The following CWC27 variants were observed in gnomAD, a reference collection of about 807,000 sequenced individuals.
CWC27 encodes the protein CWC27 spliceosome associated cyclophilin.
CWC27 carries 47 observed loss-of-function variants against 63.6 expected under a neutral mutation model. The observed-to-expected ratio is 0.74, with a 90% CI of 0.58 to 0.94. CWC27 has a LOEUF of 0.94. CWC27 is among the 40% of genes least tolerant of loss of function. CWC27 has a pLI of 0.00. For synonymous variants in CWC27, 175 were observed against 179.8 expected (o/e 0.97, Z 0.22); for missense variants, 495 against 554.3 (o/e 0.89, Z 1.07).
At chr5:64,802,472 T>C (rs760579126) in intron 9 of CWC27, among the ~76,000 whole-genome samples, 1 of 152,154 alleles carries the variant, frequency 6.6e-6, no homozygotes, top group Non-Finnish European at 1.5e-5. Flanking sequence ...AAGGATGCTA[T>C]GATCAATTTT....
chr5:64,774,850 G>C (rs1743387211), intron 2 of CWC27, 63 bp downstream of exon 2: 1 of 935,154 alleles, frequency 1.1e-6, no homozygotes, highest in Non-Finnish European at 1.7e-6. Context: ...TGCAGTGTCT[G>C]CTTCACAACA....
chr5:64,800,442 C>G, intron 8 of CWC27, 115 bp downstream of exon 8: 1 of 593,688 alleles, frequency 1.7e-6, no homozygotes, highest in Non-Finnish European at 2.9e-6. Flanking sequence ...TTAAGCCAGC[C>G]AAAAAAATAA....
chr5:64,980,209 G>A (rs950158835), intron 13 of CWC27, among the ~76,000 whole-genome samples: 1 of 152,164 alleles, frequency 6.6e-6, no homozygotes, highest in African/African-American at 2.4e-5. Flanking sequence ...CCAGATTCCA[G>A]TTTAGCAGGT....
intron 13 of CWC27, among the ~76,000 whole-genome samples, chr5:64,980,174 C>T (rs1201102197): frequency 6.6e-6 from 1 of 152,134 alleles, no homozygotes; most frequent in East Asian, 1.9e-4. Context: ...ATATACACTG[C>T]CAATATTTAG....
intron 11 of CWC27, among the ~76,000 whole-genome samples, chr5:64,947,725 A>G (rs1748616563): frequency 6.6e-6 from 1 of 152,090 alleles, no homozygotes; most frequent in Admixed American, 6.6e-5. Flanking sequence ...TCAGACAGAA[A>G]TATTTCCTAT....
chr5:64,927,355 T>G (rs79913139), intron 11 of CWC27, among the ~76,000 whole-genome samples: 5,517 of 152,252 alleles, frequency 0.036, 350 homozygotes, highest in African/African-American at 0.13. Flanking sequence ...AGATGGCCTC[T>G]CTGTGCCAGG....
chr5:64,964,297 A>G (rs1448286554), intron 11 of CWC27, among the ~76,000 whole-genome samples: 2 of 152,212 alleles, frequency 1.3e-5, no homozygotes, highest in African/African-American at 2.4e-5. Flanking sequence ...GCAAAATGAT[A>G]TGTCTGAGAG....
chr5:64,928,567 G>A (rs1748166493), intron 11 of CWC27, among the ~76,000 whole-genome samples: 1 of 150,336 alleles, frequency 6.7e-6, no homozygotes, highest in Non-Finnish European at 1.5e-5. Flanking sequence ...AAAGCCAAGT[G>A]CACAACAAAG....
At chr5:64,964,524 A>C (rs1748978074) in intron 11 of CWC27, among the ~76,000 whole-genome samples, 1 of 152,194 alleles carries the variant, frequency 6.6e-6, no homozygotes, top group Admixed American at 6.5e-5. Context: ...AGTACATGGA[A>C]TTTTAATTTG....
intron 11 of CWC27, among the ~76,000 whole-genome samples, chr5:64,947,812 G>GGA (rs745395325): frequency 8.6e-5 from 13 of 151,918 alleles, no homozygotes; most frequent in Non-Finnish European, 1.8e-4. Context: ...AGGACTTTAG[G>GGA]GAGAGCCTTA....
intron 10 of CWC27, among the ~76,000 whole-genome samples, chr5:64,823,830 G>A (rs540890055): frequency 3.3e-5 from 5 of 152,254 alleles, no homozygotes; most frequent in African/African-American, 9.6e-5. Flanking sequence ...AATTTTGCTA[G>A]TGAAAGGAAT....
intron 11 of CWC27, among the ~76,000 whole-genome samples, chr5:64,917,894 T>G (rs1747920953): frequency 6.6e-6 from 1 of 152,002 alleles, no homozygotes; most frequent in Non-Finnish European, 1.5e-5. Context: ...TTGAAACTTC[T>G]CGGGCTCCAT....
chr5:64,976,063 G>T (rs1749223472), intron 12 of CWC27, among the ~76,000 whole-genome samples: 1 of 151,844 alleles, frequency 6.6e-6, no homozygotes, highest in South Asian at 2.1e-4. Flanking sequence ...GCGAGACTCT[G>T]TCTCAAAAAA....
intron 10 of CWC27, among the ~76,000 whole-genome samples, chr5:64,861,090 T>G (rs1408782597): frequency 6.6e-6 from 1 of 152,148 alleles, no homozygotes; most frequent in Non-Finnish European, 1.5e-5. Flanking sequence ...GTCATATGTC[T>G]CAAGCCTTGA....
intron 11 of CWC27, among the ~76,000 whole-genome samples, chr5:64,953,448 T>G (rs538537108): frequency 6.6e-6 from 1 of 152,186 alleles, no homozygotes; most frequent in Non-Finnish European, 1.5e-5. Context: ...CCCAGTTCAC[T>G]CAATATGTTG....
intron 10 of CWC27, among the ~76,000 whole-genome samples, chr5:64,820,905 G>A (rs1194566193): frequency 6.6e-6 from 1 of 151,598 alleles, no homozygotes; most frequent in African/African-American, 2.4e-5. Flanking sequence ...GGACAAAAAT[G>A]ATGAAGTAAA....
At chr5:64,921,369 G>A (rs1011922553) in intron 11 of CWC27, among the ~76,000 whole-genome samples, 1 of 152,054 alleles carries the variant, frequency 6.6e-6, no homozygotes, top group Non-Finnish European at 1.5e-5. Context: ...GTCAGTCTTA[G>A]TGTAGCTCCC....
chr5:64,999,891 T>C (rs1281984343), intron 13 of CWC27, among the ~76,000 whole-genome samples: 2 of 152,098 alleles, frequency 1.3e-5, no homozygotes, highest in Non-Finnish European at 2.9e-5. Context: ...GCTCTATTTT[T>C]ACCTTTCTGA....
At position 64,783,225 on chromosome 5, in the gene CWC27, C is replaced by CTAAT. The variant is rs1275365602; in HGVS notation, c.253-610_253-607dup. The stretch of plus-strand genomic sequence containing the variant: ...GATGGAAATTCTGTTAACTAAGAGA[C>CTAAT]TAATATATTTGTTAAGTAGCCCTGT... On this transcript the variant is annotated intron_variant, in intron 3 of 13. Coordinates refer to ENST00000381070, the MANE Select transcript of CWC27 (RefSeq NM_005869.4). Among the ~76,000 whole-genome samples the CTAAT allele has an allele frequency of 1.2e-4, 19 of 152,216 alleles. No individual in the cohort carries two copies. The East Asian group carries it at 3.3e-3, about 26-fold the overall frequency.
Sources: gnomAD v4.1 joint callset for allele counts (sites outside exome capture counted in the v4.1 genomes callset) on GRCh38, gnomAD v4.1.1 for gene constraint, MANE v1.5 for transcripts, NCBI Gene and HGNC (gene_info 2026-07-23, HGNC 2026-07-21) for gene names.